Variants in NCEH1 observed in about 807,000 individuals in gnomAD.
The protein encoded by NCEH1 is 2-acetyl MAGE hydrolase.
In NCEH1, 9 loss-of-function variants were observed where a neutral mutation model predicts 25.4. The observed-to-expected ratio is 0.35, with a 90% CI of 0.21 to 0.62. NCEH1 has a LOEUF of 0.62. Among genes scored for constraint, NCEH1 ranks in the 20% least tolerant of loss-of-function variants. NCEH1 has a pLI of 0.72. For missense variants in NCEH1, 412 were observed against 501.1 expected (o/e 0.82, Z 1.70); for synonymous variants, 200 against 199.8 (o/e 1.00, Z -0.01).
chr3:172,702,920 A>C (rs1308761884), intron 1 of NCEH1, among the ~76,000 whole-genome samples: 1 of 152,216 alleles, frequency 6.6e-6, no homozygotes, highest in African/African-American at 2.4e-5. Context: ...TGAGCCCAGA[A>C]GTTCAAGGTT....
At chr3:172,681,609 G>C (rs1712378678) in intron 1 of NCEH1, among the ~76,000 whole-genome samples, 1 of 151,936 alleles carries the variant, frequency 6.6e-6, no homozygotes, top group African/African-American at 2.4e-5. Flanking sequence ...AACACATTCA[G>C]CCAGGTGCGT....
chr3:172,634,969 T>A (rs534959033), intron 4 of NCEH1, among the ~76,000 whole-genome samples: 1 of 152,334 alleles, frequency 6.6e-6, no homozygotes, highest in African/African-American at 2.4e-5. Flanking sequence ...AAAAATTGTA[T>A]ACACATCACC....
chr3:172,648,957 G>A (rs1577058955), intron 1 of NCEH1, among the ~76,000 whole-genome samples: 2 of 152,268 alleles, frequency 1.3e-5, no homozygotes, highest in Non-Finnish European at 2.9e-5. Flanking sequence ...GGGAACAGCT[G>A]GAGAGTAACA....
chr3:172,651,707 C>T (rs946755020), intron 1 of NCEH1, among the ~76,000 whole-genome samples: 7 of 151,826 alleles, frequency 4.6e-5, no homozygotes, highest in African/African-American at 9.7e-5. Context: ...TACAGGCATG[C>T]ACCACCACTC....
chr3:172,635,830 TG>T, intron 4 of NCEH1, 85 bp downstream of exon 4: 1 of 1,288,604 alleles, frequency 7.8e-7, no homozygotes, highest in South Asian at 1.4e-5. Context: ...GCTATGCATT[TG>T]CCACACATAA....
chr3:172,705,374 C>G (rs945658494), intron 1 of NCEH1, among the ~76,000 whole-genome samples: 1 of 152,154 alleles, frequency 6.6e-6, no homozygotes, highest in Non-Finnish European at 1.5e-5. Flanking sequence ...AGTGCCCAAC[C>G]CAGTGATTTG....
At chr3:172,635,581 A>G (rs535259384) in intron 4 of NCEH1, among the ~76,000 whole-genome samples, 1 of 152,196 alleles carries the variant, frequency 6.6e-6, no homozygotes, top group African/African-American at 2.4e-5. Context: ...TTAAGCAAAA[A>G]TACTCCGATT....
At position 172,648,104 on chromosome 3, in the gene NCEH1, A is replaced by G; in HGVS notation, c.149T>C (p.Ile50Thr). 2 of 1,614,144 alleles carry G rather than the reference A, an allele frequency of 1.2e-6. No homozygotes were observed. The highest frequency in any genetic ancestry group is 1.7e-6 in the Non-Finnish European group (2 of 1,180,016). ...FRGAQQVSNL[I>T]HYLGLSHHLL... is the part of the protein sequence containing the mutation. The stretch of plus-strand genomic sequence containing the variant: ...GTGATGGCTCAGTCCCAGGTAGTGG[A>G]TCAGGTTACTCTGCAGGGCGAGGGA... The change falls in exon 2 of 5, where the codon ATC (isoleucine) becomes ACC (threonine). Residue 50 changes from isoleucine (I) to threonine (T), a missense_variant. Physicochemically the swap from Ile to Thr is moderately conservative, Grantham distance 89. This residue lies in a region of NCEH1 where 178 missense variants were observed against 189.2 expected (regional missense o/e 0.94). Transcript: ENST00000475381.
intron 4 of NCEH1, among the ~76,000 whole-genome samples, chr3:172,635,612 G>C (rs937183207): frequency 6.6e-6 from 1 of 152,180 alleles, no homozygotes; most frequent in African/African-American, 2.4e-5. Flanking sequence ...ACATGAAAAA[G>C]GAGCAGGGGA....
chr3:172,705,719 G>A (rs1278409759), intron 1 of NCEH1, among the ~76,000 whole-genome samples: 4 of 152,078 alleles, frequency 2.6e-5, no homozygotes, highest in Admixed American at 2.6e-4. Flanking sequence ...ATTTTTGGCT[G>A]GGCACGGTGG....
chr3:172,675,171 G>A (rs1711896677), intron 1 of NCEH1, among the ~76,000 whole-genome samples: 1 of 151,978 alleles, frequency 6.6e-6, no homozygotes, highest in Non-Finnish European at 1.5e-5. Flanking sequence ...CTAGCTGTGT[G>A]GTGCCTGTAA....
At chr3:172,635,444 G>A (rs1716556245) in intron 4 of NCEH1, among the ~76,000 whole-genome samples, 1 of 152,100 alleles carries the variant, frequency 6.6e-6, no homozygotes, top group Non-Finnish European at 1.5e-5. Context: ...ATAGTAACTT[G>A]TAAGATAATA....
intron 1 of NCEH1, 146 bp downstream of exon 1, chr3:172,710,701 T>A (rs574561864): frequency 2.9e-4 from 237 of 823,090 alleles, no homozygotes; most frequent in African/African-American, 2.8e-3. Flanking sequence ...CCCTGAAAAT[T>A]CCCGACTGGA....
Position 172,633,143 on chromosome 3 carries a change from A to G in NCEH1, c.*332T>C. The G allele has an allele frequency of 3.9e-6, 1 of 259,714 alleles. No individual in the cohort carries two copies. The highest frequency in any genetic ancestry group is 7.4e-6 in the Non-Finnish European group (1 of 135,088). The allele number at this position is 259,714 out of a possible 1,614,324, so 16.1% of individuals were successfully genotyped here. ...CAGAGCTGGAAGAACTGCTTCTAAA[A>G]AGAACGTCCTAATGAAGGCAGGACC... On this transcript the variant is annotated 3_prime_UTR_variant, in exon 5 of 5. Transcript: ENST00000475381.
intron 3 of NCEH1, among the ~76,000 whole-genome samples, chr3:172,641,949 C>G (rs930510663): frequency 2.0e-5 from 3 of 152,176 alleles, no homozygotes; most frequent in Non-Finnish European, 4.4e-5. Flanking sequence ...CTTCTACTTC[C>G]CATCACTTAT....
At chr3:172,704,007 A>G (rs1195834420) in intron 1 of NCEH1, among the ~76,000 whole-genome samples, 1 of 152,262 alleles carries the variant, frequency 6.6e-6, no homozygotes, top group Non-Finnish European at 1.5e-5. Flanking sequence ...ACGCATCATC[A>G]TAATTTCTGG....
chr3:172,659,878 C>T (rs1717887477), intron 1 of NCEH1, among the ~76,000 whole-genome samples: 1 of 152,136 alleles, frequency 6.6e-6, no homozygotes, highest in Non-Finnish European at 1.5e-5. Context: ...TCTCTTGAGC[C>T]TTCCCTGGTA....
intron 1 of NCEH1, among the ~76,000 whole-genome samples, chr3:172,698,783 AAACACAGTTGTGAAGGAC>A (rs1713523536): frequency 6.6e-6 from 1 of 152,250 alleles, no homozygotes; most frequent in African/African-American, 2.4e-5. Flanking sequence ...GAGGCTTGCA[AAACACAGTTGTGAAGGAC>A]AACACAAAAC....
intron 1 of NCEH1, among the ~76,000 whole-genome samples, chr3:172,709,578 T>G (rs1714190165): frequency 6.6e-6 from 1 of 152,052 alleles, no homozygotes; most frequent in Non-Finnish European, 1.5e-5. Flanking sequence ...CAAAAGGGGC[T>G]TTGGAGGTGA....
Sources: gnomAD v4.1 joint callset for allele counts (sites outside exome capture counted in the v4.1 genomes callset) on GRCh38, gnomAD v4.1.1 for gene constraint, gnomAD v4.1.1 regional missense constraint, MANE v1.5 for transcripts, NCBI Gene and HGNC (gene_info 2026-07-23, HGNC 2026-07-21) for gene names.